Variants in CSMD3 observed in about 807,000 individuals in gnomAD.
The protein encoded by CSMD3 is CUB and sushi domain-containing protein 3.
Under a neutral mutation model 435.2 loss-of-function variants are expected in CSMD3, and 177 were observed. That is an observed-to-expected ratio of 0.41 (90% CI 0.36 to 0.46). CSMD3 has a LOEUF of 0.46. Ranked by LOEUF, CSMD3 falls within the 20% of genes least tolerant of loss-of-function variation. CSMD3 has a pLI of 0.34. For synonymous variants in CSMD3, 1,656 were observed against 1,520.5 expected (o/e 1.09, Z -2.07); for missense variants, 4,265 against 4,504.6 (o/e 0.95, Z 1.52).
chr8:113,389,252 A>C (rs2133143720), intron 1 of CSMD3, among the ~76,000 whole-genome samples: 1 of 151,716 alleles, frequency 6.6e-6, no homozygotes, highest in Non-Finnish European at 1.5e-5. Context: ...AAACTTTATT[A>C]TTTCTCATAA....
At chr8:113,147,371 C>T (rs1226249403) in intron 4 of CSMD3, among the ~76,000 whole-genome samples, 1 of 151,718 alleles carries the variant, frequency 6.6e-6, no homozygotes, top group Non-Finnish European at 1.5e-5. Context: ...AAACTTAAAA[C>T]TTACTAGTTG....
intron 56 of CSMD3, among the ~76,000 whole-genome samples, chr8:112,290,580 C>A (rs919834579): frequency 5.9e-5 from 9 of 151,504 alleles, no homozygotes; most frequent in African/African-American, 1.9e-4. Flanking sequence ...AGTGTTGTTT[C>A]TTCATTAGTA....
At chr8:113,333,873 T>G (rs2094047694) in intron 1 of CSMD3, among the ~76,000 whole-genome samples, 1 of 151,920 alleles carries the variant, frequency 6.6e-6, no homozygotes, top group African/African-American at 2.4e-5. Context: ...AATTGCTGTT[T>G]CACTACAAGA....
chr8:113,080,574 T>C (rs1015795684), intron 5 of CSMD3, among the ~76,000 whole-genome samples: 1 of 152,096 alleles, frequency 6.6e-6, no homozygotes, highest in Non-Finnish European at 1.5e-5. Context: ...GTGTGCAAAA[T>C]ATAATGGAAA....
At chr8:112,381,662 G>A (rs977322505) in intron 37 of CSMD3, among the ~76,000 whole-genome samples, 5 of 152,288 alleles carry the variant, frequency 3.3e-5, no homozygotes, top group Admixed American at 1.3e-4. Flanking sequence ...TCTGGCCATA[G>A]TGTGATAACA....
intron 5 of CSMD3, among the ~76,000 whole-genome samples, chr8:113,072,880 A>T (rs2089185086): frequency 6.6e-6 from 1 of 151,674 alleles, no homozygotes; most frequent in South Asian, 2.1e-4. Context: ...TCACCCACGA[A>T]CACTAAATTT....
At chr8:113,427,493 A>T (rs1036239559) in intron 1 of CSMD3, among the ~76,000 whole-genome samples, 1 of 151,080 alleles carries the variant, frequency 6.6e-6, no homozygotes, top group Non-Finnish European at 1.5e-5. Context: ...GTCTAAAAAA[A>T]AAAAAAAGAG....
chr8:113,350,511 C>A (rs1357035817), intron 1 of CSMD3, among the ~76,000 whole-genome samples: 3 of 151,980 alleles, frequency 2.0e-5, no homozygotes, highest in Non-Finnish European at 2.9e-5. Context: ...AAGTAAAATC[C>A]AACTGGATAT....
chr8:113,273,132 TATA>T (rs2093542505), intron 3 of CSMD3, among the ~76,000 whole-genome samples: 1 of 151,988 alleles, frequency 6.6e-6, no homozygotes, highest in Non-Finnish European at 1.5e-5. Context: ...TATAAATATG[TATA>T]ATTATTATAA....
intron 32 of CSMD3, among the ~76,000 whole-genome samples, chr8:112,427,321 G>C (rs1813167203): frequency 6.6e-6 from 1 of 152,064 alleles, no homozygotes; most frequent in African/African-American, 2.4e-5. Flanking sequence ...TGTGTCATGG[G>C]AGGGACCCAG....
chr8:113,141,876 T>C (rs568445650), intron 4 of CSMD3, among the ~76,000 whole-genome samples: 7 of 151,144 alleles, frequency 4.6e-5, no homozygotes, highest in African/African-American at 1.4e-4. Flanking sequence ...TTTCTCTTCA[T>C]AGAAATTCCT....
chr8:112,984,130 T>C lies in CSMD3; in HGVS notation c.1031-7982A>G, dbSNP rs73347960. On this transcript the variant is annotated intron_variant, in intron 6 of 70. Coordinates refer to ENST00000297405, the MANE Select transcript of CSMD3 (RefSeq NM_198123.2). ...TCTATCATCAAAGCTATCATTGCCC[T>C]AAAAGCAAATATATTATATATGAAT... 8.2e-3 allele frequency among the ~76,000 whole-genome samples: 1,251 copies of C among 152,056 alleles called. 29 individuals carry two copies. Among genetic ancestry groups the C allele is most frequent in the African/African-American group, 0.028 (1,183 of 41,514 alleles).
chr8:112,790,476 T>C (rs2161925), intron 13 of CSMD3, among the ~76,000 whole-genome samples: 127,716 of 151,972 alleles, frequency 0.84, 53,903 homozygotes, highest in East Asian at 0.9. Context: ...GCATGTACCA[T>C]CAGGATTAAG....
intron 27 of CSMD3, among the ~76,000 whole-genome samples, chr8:112,526,154 T>A (rs1824935654): frequency 6.6e-6 from 1 of 151,686 alleles, no homozygotes; most frequent in South Asian, 2.1e-4. Context: ...CTGAAGATTT[T>A]TAGCACTGTA....
chr8:113,308,600 A>G (rs2093842103), intron 2 of CSMD3, among the ~76,000 whole-genome samples: 1 of 152,174 alleles, frequency 6.6e-6, no homozygotes, highest in Admixed American at 6.5e-5. Flanking sequence ...CAGTCATAAA[A>G]TCTGTAATGA....
chr8:113,171,510 GT>G (rs2092267225), intron 4 of CSMD3, among the ~76,000 whole-genome samples: 1 of 146,098 alleles, frequency 6.8e-6, no homozygotes, highest in African/African-American at 2.6e-5. Context: ...TTTTAAGAAT[GT>G]TAATATGTCT....
chr8:112,225,025 T>C, intron 70 of CSMD3, 95 bp from the exon 71 acceptor site: 1 of 1,203,452 alleles, frequency 8.3e-7, no homozygotes, highest in Non-Finnish European at 1.2e-6. Context: ...GCAGATAATG[T>C]AACTTAAAAA....
At chr8:112,290,187 G>C (rs771608538) in intron 56 of CSMD3, among the ~76,000 whole-genome samples, 1 of 152,060 alleles carries the variant, frequency 6.6e-6, no homozygotes, top group Non-Finnish European at 1.5e-5. Flanking sequence ...CTTTATGAGT[G>C]ATAGGTAGTT....
At chr8:112,743,373 T>C (rs1481759851) in intron 13 of CSMD3, among the ~76,000 whole-genome samples, 1 of 151,922 alleles carries the variant, frequency 6.6e-6, no homozygotes, top group Non-Finnish European at 1.5e-5. Flanking sequence ...AGATGAGTAT[T>C]TTCCAACCTC....
Sources: allele counts gnomAD v4.1 joint callset (sites outside exome capture counted in the v4.1 genomes callset), GRCh38; gene constraint gnomAD v4.1.1; transcripts MANE v1.5; gene names NCBI Gene and HGNC (gene_info 2026-07-23, HGNC 2026-07-21).